Variants in PTGFR observed in about 807,000 individuals in gnomAD.
PTGFR encodes the protein prostaglandin F receptor.
In PTGFR, 15 loss-of-function variants were observed where a neutral mutation model predicts 26.2. The ratio of observed to expected loss-of-function variants is 0.57; its 90% CI spans 0.38 to 0.88. The LOEUF (loss-of-function observed/expected upper bound fraction) is 0.88, where lower values mean the gene tolerates loss of function less well. Ranked by LOEUF, PTGFR falls within the 40% of genes least tolerant of loss-of-function variation. PTGFR has a pLI of 0.00. For synonymous variants in PTGFR, 165 were observed against 151.1 expected, an observed-to-expected ratio of 1.09 and a Z score of -0.68; for missense variants, 369 against 427.2, an observed-to-expected ratio of 0.86 and a Z score of 1.20.
chr1:78,491,387 G>C (rs574525378), intron 1 of PTGFR, among the ~76,000 whole-genome samples, 151 bp downstream of exon 1: 3 of 152,198 alleles, frequency 2.0e-5, no homozygotes, highest in Admixed American at 1.3e-4. Context: ...CTAGGGAGAC[G>C]CATAGAGAAA....
At chr1:78,517,589 C>T (rs1001994984) in intron 2 of PTGFR, among the ~76,000 whole-genome samples, 1 of 151,990 alleles carries the variant, frequency 6.6e-6, no homozygotes, top group East Asian at 1.9e-4. Flanking sequence ...CACAAAAACC[C>T]AATAGCAGGG....
intron 2 of PTGFR, among the ~76,000 whole-genome samples, chr1:78,494,893 C>G (rs12740498): frequency 0.19 from 28,742 of 152,158 alleles, 2,964 homozygotes; most frequent in Non-Finnish European, 0.24. Flanking sequence ...CGTGAGTCGC[C>G]ACGCCCGGCC....
rs760014896 is a variant in PTGFR, at chr1:78,492,693, A to G, written c.-51A>G. 6.6e-7 allele frequency: 1 copy of G among 1,526,590 alleles called. No homozygotes were observed. The highest frequency in any genetic ancestry group is 8.9e-7 in the Non-Finnish European group (1 of 1,123,918). The allele number at this position is 1,526,590 out of a possible 1,614,324, so 94.6% of individuals were successfully genotyped here. A position where few individuals can be genotyped will look rare whatever the true frequency, so the allele number is the denominator to read the frequency against. ...ACAGATGTCTGGACTGCAATCCTGCACAGTTTTGAGAGGGAGATGACTTGA... is the reference window on the plus strand; with the variant it reads ...ACAGATGTCTGGACTGCAATCCTGCGCAGTTTTGAGAGGGAGATGACTTGA... On this transcript the variant is annotated 5_prime_UTR_variant, in exon 2 of 3. Transcript: ENST00000370757.
intron 2 of PTGFR, among the ~76,000 whole-genome samples, chr1:78,505,786 T>C (rs1649815656): frequency 6.6e-6 from 1 of 152,236 alleles, no homozygotes; most frequent in Admixed American, 6.5e-5. Flanking sequence ...TCTTACAATA[T>C]GTCACCTTTT....
At position 78,493,346 on chromosome 1, in the gene PTGFR, T is replaced by C; in HGVS notation, c.603T>C (p.Tyr201=). Reference sequence around the variant, plus strand: ...TCAAAGACTGGGAAGATAGATTTTATCTTCTACTTTTTTCTTTTCTGGGGC... The same window carrying C: ...TCAAAGACTGGGAAGATAGATTTTACCTTCTACTTTTTTCTTTTCTGGGGC... ...EDIKDWEDRF[Y]LLLFSFLGLL... The change falls in exon 2 of 3, where the codon TAT becomes TAC. Residue 201 remains tyrosine (Y), a synonymous_variant. Coordinates refer to ENST00000370757, the MANE Select transcript of PTGFR (RefSeq NM_000959.4). The C allele has an allele frequency of 6.2e-7, 1 of 1,614,118 alleles. No individual in the cohort carries two copies. Among genetic ancestry groups the C allele is most frequent in the South Asian group, 1.1e-5 (1 of 91,058 alleles).
chr1:78,491,998 G>T (rs1649413032), intron 1 of PTGFR, among the ~76,000 whole-genome samples: 1 of 152,146 alleles, frequency 6.6e-6, no homozygotes, highest in East Asian at 1.9e-4. Flanking sequence ...AGCGTGGCCC[G>T]CCCCCTTCCT....
In PTGFR at chr1:78,492,781, C is replaced by T. The variant is rs1188909020; in HGVS notation, c.38C>T (p.Ala13Val). 6.2e-7 allele frequency: 1 copy of T among 1,613,978 alleles called. No homozygotes were observed. The highest frequency in any genetic ancestry group is 1.3e-5 in the African/African-American group (1 of 74,954). Residue 13 changes from alanine to valine, a missense_variant, in exon 2 of 3, where the codon GCA (alanine) becomes GTA (valine). By Grantham distance (64) the Ala-to-Val change is moderately conservative. Coordinates refer to ENST00000370757, the MANE Select transcript of PTGFR (RefSeq NM_000959.4). ...AATTCCAAACAGCTAGTGTCTCCTG[C>T]AGCTGCGCTTCTTTCAAACACAACC... is the stretch of plus-strand genomic sequence containing the variant. ...MNNSKQLVSP[A>V]AALLSNTTCQ...
At chr1:78,516,160 T>G (rs1176242336) in intron 2 of PTGFR, among the ~76,000 whole-genome samples, 1 of 152,174 alleles carries the variant, frequency 6.6e-6, no homozygotes, top group Non-Finnish European at 1.5e-5. Context: ...CCAGACAAGA[T>G]TCTAAGTGCT....
intron 1 of PTGFR, among the ~76,000 whole-genome samples, chr1:78,491,492 G>T (rs547339173): frequency 1.5e-3 from 225 of 152,328 alleles, no homozygotes; most frequent in Non-Finnish European, 2.7e-3. Context: ...CACAGATTCC[G>T]CTTCTCGCCG....
At chr1:78,520,013 T>C (rs1318018875) in intron 2 of PTGFR, among the ~76,000 whole-genome samples, 1 of 152,154 alleles carries the variant, frequency 6.6e-6, no homozygotes, top group Non-Finnish European at 1.5e-5. Flanking sequence ...GTAGTAAATG[T>C]CATTTCAGGT....
chr1:78,536,327 T>A, intron 2 of PTGFR, 79 bp from the exon 3 acceptor site: 1 of 1,380,866 alleles, frequency 7.2e-7, no homozygotes, highest in East Asian at 2.3e-5. Flanking sequence ...ATGAATGTCA[T>A]CTAGCATAGC....
intron 2 of PTGFR, chr1:78,532,367 TATATA>T (rs1650530828): frequency 1.1e-5 from 1 of 88,630 alleles, no homozygotes; most frequent in Middle Eastern, 4.1e-3. Context: ...AATTCATTTA[TATATA>T]TATATATATA....
At chr1:78,519,948 C>A (rs1168431091) in intron 2 of PTGFR, among the ~76,000 whole-genome samples, 1 of 151,416 alleles carries the variant, frequency 6.6e-6, no homozygotes, top group Non-Finnish European at 1.5e-5. Flanking sequence ...TTTCTTTTTT[C>A]CATGGGTTAA....
chr1:78,520,356 TAAG>T (rs1210530693), intron 2 of PTGFR, among the ~76,000 whole-genome samples: 1 of 152,164 alleles, frequency 6.6e-6, no homozygotes, highest in Non-Finnish European at 1.5e-5. Context: ...CGAAACCTCT[TAAG>T]AATACAATAT....
At position 78,493,096 on chromosome 1, in the gene PTGFR, C is replaced by T. The variant is rs1194858032; in HGVS notation, c.353C>T (p.Ser118Phe). 6.2e-7 allele frequency: 1 copy of T among 1,614,108 alleles called. No homozygotes were observed. The highest frequency in any genetic ancestry group is 1.3e-5 in the African/African-American group (1 of 74,946). ...ATTTTTGGTATCTGCATGGTGTTTT[C>T]TGGTCTGTGCCCACTTCTTCTAGGC... ...CSIFGICMVF[S>F]GLCPLLLGSV... Residue 118 changes from serine (S) to phenylalanine (F), a missense_variant, in exon 2 of 3, where the codon TCT (serine) becomes TTT (phenylalanine). Coordinates refer to ENST00000370757, the MANE Select transcript of PTGFR (RefSeq NM_000959.4).
intron 2 of PTGFR, among the ~76,000 whole-genome samples, chr1:78,510,879 C>T (rs1275338158): frequency 6.6e-6 from 1 of 152,108 alleles, no homozygotes; most frequent in African/African-American, 2.4e-5. Flanking sequence ...GGGAAATAGG[C>T]TAAAAAAAAG....
chr1:78,505,274 C>G (rs980327274), intron 2 of PTGFR, among the ~76,000 whole-genome samples: 2 of 151,972 alleles, frequency 1.3e-5, no homozygotes, highest in South Asian at 2.1e-4. Context: ...AGGCACCCAC[C>G]ACCACACCTG....
At position 78,529,960 on chromosome 1, in the gene PTGFR, A is replaced by C. The variant is rs540250256; in HGVS notation, c.799-6446A>C. Among the ~76,000 whole-genome samples the C allele has an allele frequency of 7.2e-5, 11 of 152,308 alleles. No individual in the cohort carries two copies. The South Asian group carries it at 1.9e-3, about 26-fold the overall frequency. On this transcript the variant is annotated intron_variant, in intron 2 of 2. Transcript: ENST00000370757. ...AATGCGTGATGATCTGAGGTGGAACAGTTTCATCCCCAAACCATCTCCACT... is the reference window on the plus strand; with the variant it reads ...AATGCGTGATGATCTGAGGTGGAACCGTTTCATCCCCAAACCATCTCCACT...
At chr1:78,499,444 CAGTGCCTGGCAT>C (rs1649643583) in intron 2 of PTGFR, among the ~76,000 whole-genome samples, 1 of 152,208 alleles carries the variant, frequency 6.6e-6, no homozygotes, top group South Asian at 2.1e-4. Context: ...GCTCCTAGAC[CAGTGCCTGGCAT>C]ATAGTTGGGG....
Sources: allele counts gnomAD v4.1 joint callset (sites outside exome capture counted in the v4.1 genomes callset), GRCh38; gene constraint gnomAD v4.1.1; transcripts MANE v1.5; gene names NCBI Gene and HGNC (gene_info 2026-07-23, HGNC 2026-07-21).